Variants in OR4F15 observed in about 807,000 individuals in gnomAD.
OR4F15 encodes the protein olfactory receptor 4F15.
In OR4F15, 7 loss-of-function variants were observed where a neutral mutation model predicts 11.9. That is an observed-to-expected ratio of 0.59 (90% CI 0.33 to 1.10). The LOEUF (loss-of-function observed/expected upper bound fraction) is 1.10, where lower values mean the gene tolerates loss of function less well. Ranked by LOEUF, OR4F15 falls within the 50% of genes least tolerant of loss-of-function variation. The pLI is 0.03. For missense variants in OR4F15, 445 were observed against 377.5 expected, an observed-to-expected ratio of 1.18 and a Z score of -1.48; for synonymous variants, 151 against 134.6, an observed-to-expected ratio of 1.12 and a Z score of -0.84.
chr15:101,818,829 G>A lies in OR4F15; in HGVS notation c.643G>A (p.Val215Ile), dbSNP rs377138322. ...LISVGSFVLL[V>I]ISYIFILFTV... is the part of the protein sequence containing the mutation. ...TTCTGTGGGCTCCTTTGTCTTGCTG[G>A]TAATTTCCTACATCTTCATTCTGTT... The change falls in exon 2 of 2, where the codon GTA becomes ATA. Residue 215 changes from valine (V) to isoleucine (I), a missense_variant. Transcript: ENST00000332238. The A allele has an allele frequency of 2.5e-6, 4 of 1,613,934 alleles. No homozygotes were observed. In the African/African-American group the frequency reaches 4.0e-5, roughly 16 times the overall value.
Position 101,818,735 on chromosome 15 carries a change from G to A in OR4F15, c.549G>A (p.Arg183=), listed in dbSNP as rs950668238. 4 of 1,613,890 alleles carry A rather than the reference G, an allele frequency of 2.5e-6. No homozygotes were observed. Among genetic ancestry groups the A allele is most frequent in the Non-Finnish European group, 3.4e-6 (4 of 1,179,992 alleles). The change falls in exon 2 of 2, where the codon CGG becomes CGA. Residue 183 remains arginine (R), a synonymous_variant. Transcript: ENST00000332238. ...ACAGTTTTTACTGTGATCTCCCTCG[G>A]CTCCTCAGACTTGCCTGTACCAACA... The part of the protein sequence containing the change: ...IFDSFYCDLP[R]LLRLACTNTQ...
chr15:101,816,230 A>G (rs779987152), intron 1 of OR4F15, among the ~76,000 whole-genome samples: 31 of 152,280 alleles, frequency 2.0e-4, no homozygotes, highest in Non-Finnish European at 3.2e-4. Flanking sequence ...TTATAAGAGG[A>G]AGAGTCAGAG....
At chr15:101,812,913 G>A (rs1350018762) in intron 1 of OR4F15, among the ~76,000 whole-genome samples, 1 of 152,124 alleles carries the variant, frequency 6.6e-6, no homozygotes, top group African/African-American at 2.4e-5. Context: ...AAATTTTTAG[G>A]TCTATATAAT....
intron 1 of OR4F15, among the ~76,000 whole-genome samples, chr15:101,815,668 G>A (rs917101063): frequency 4.6e-5 from 7 of 152,072 alleles, no homozygotes; most frequent in African/African-American, 1.7e-4. Context: ...TGGTGAATAT[G>A]GATTCCACAA....
At position 101,812,833 on chromosome 15, in the gene OR4F15, AAATGTGT is replaced by A. The variant is rs1413124650; in HGVS notation, c.-38+567_-38+573del. Among the ~76,000 whole-genome samples the A allele has an allele frequency of 2.6e-5, 4 of 152,354 alleles. No individual in the cohort carries two copies. In the East Asian group the frequency reaches 5.8e-4, roughly 22 times the overall value. Reference sequence around the variant, plus strand: ...ATGGAGGAAAAAAAAGTAGGAAACTAAATGTGTAATGTTTAACAACCTGCAATAAATC... The same window carrying A: ...ATGGAGGAAAAAAAAGTAGGAAACTAAATGTTTAACAACCTGCAATAAATC... On this transcript the variant is annotated intron_variant, in intron 1 of 1. Coordinates refer to ENST00000332238, the MANE Select transcript of OR4F15 (RefSeq NM_001001674.2).
intron 1 of OR4F15, among the ~76,000 whole-genome samples, chr15:101,813,103 A>C (rs1443787625): frequency 6.6e-6 from 1 of 152,218 alleles, no homozygotes; most frequent in Non-Finnish European, 1.5e-5. Flanking sequence ...CTGACAGAGT[A>C]CCTGACAACT....
intron 1 of OR4F15, among the ~76,000 whole-genome samples, chr15:101,815,968 AT>A (rs1418222529): frequency 1.3e-5 from 2 of 152,110 alleles, no homozygotes; most frequent in African/African-American, 4.8e-5. Context: ...ATCTGTCCCC[AT>A]TCCCTCAATA....
At chr15:101,815,759 A>G (rs892689005) in intron 1 of OR4F15, among the ~76,000 whole-genome samples, 1 of 152,168 alleles carries the variant, frequency 6.6e-6, no homozygotes. Flanking sequence ...TATTTTTTGA[A>G]TTAATGAACA....
intron 1 of OR4F15, among the ~76,000 whole-genome samples, chr15:101,816,247 C>G (rs918748400): frequency 1.3e-5 from 2 of 152,096 alleles, no homozygotes; most frequent in African/African-American, 4.8e-5. Context: ...AGAGGAGATG[C>G]GATGACAGAA....
At position 101,818,258 on chromosome 15, in the gene OR4F15, G is replaced by A; in HGVS notation, c.72G>A (p.Gln24=). The A allele has an allele frequency of 1.2e-6, 2 of 1,613,976 alleles. No individual in the cohort carries two copies. The highest frequency in any genetic ancestry group is 8.5e-7 in the Non-Finnish European group (1 of 1,179,880). The change falls in exon 2 of 2, where the codon CAG becomes CAA. Residue 24 remains glutamine, a synonymous_variant. Coordinates refer to ENST00000332238, the MANE Select transcript of OR4F15 (RefSeq NM_001001674.2). ...GACTCACCAACTCACGGGAGATTCA[G>A]CTTCTACTTTTTGTTTTCTCTTTGT... is the stretch of plus-strand genomic sequence containing the variant. ...FMGLTNSREI[Q]LLLFVFSLLF...
intron 1 of OR4F15, among the ~76,000 whole-genome samples, chr15:101,816,736 A>G (rs1251872177): frequency 6.6e-6 from 1 of 152,178 alleles, no homozygotes; most frequent in Non-Finnish European, 1.5e-5. Flanking sequence ...ACTTCATTGA[A>G]CAATGAAACT....
chr15:101,817,019 C>T (rs1276863295), intron 1 of OR4F15, among the ~76,000 whole-genome samples: 1 of 152,018 alleles, frequency 6.6e-6, no homozygotes, highest in East Asian at 1.9e-4. Flanking sequence ...CTTATGGTAT[C>T]CTCTAGGGGT....
At chr15:101,815,627 T>C (rs1227021071) in intron 1 of OR4F15, among the ~76,000 whole-genome samples, 1 of 152,090 alleles carries the variant, frequency 6.6e-6, no homozygotes, top group African/African-American at 2.4e-5. Flanking sequence ...AGAATGAAAA[T>C]CTGTATGTGA....
chr15:101,816,226 GA>G (rs1902986663), intron 1 of OR4F15, among the ~76,000 whole-genome samples: 2 of 152,180 alleles, frequency 1.3e-5, no homozygotes, highest in South Asian at 4.1e-4. Flanking sequence ...GTCCTTATAA[GA>G]GGAAGAGTCA....
intron 1 of OR4F15, among the ~76,000 whole-genome samples, chr15:101,816,033 T>C (rs912891392): frequency 1.3e-5 from 2 of 152,144 alleles, no homozygotes; most frequent in Non-Finnish European, 2.9e-5. Context: ...GATTCATTAC[T>C]TTAAGATTTT....
chr15:101,813,120 T>C (rs1261888986), intron 1 of OR4F15, among the ~76,000 whole-genome samples: 3 of 152,222 alleles, frequency 2.0e-5, no homozygotes, highest in Non-Finnish European at 4.4e-5. Flanking sequence ...AACTTCTTTA[T>C]ATCCACAGGG....
chr15:101,817,413 T>C (rs1025832651), intron 1 of OR4F15, among the ~76,000 whole-genome samples: 10 of 152,148 alleles, frequency 6.6e-5, no homozygotes, highest in African/African-American at 2.4e-4. Context: ...TGTGACTGAT[T>C]GTGTTGGTCA....
At chr15:101,817,217 G>C (rs533398603) in intron 1 of OR4F15, among the ~76,000 whole-genome samples, 3 of 152,214 alleles carry the variant, frequency 2.0e-5, no homozygotes, top group Middle Eastern at 3.4e-3. Flanking sequence ...TTATGCAAAT[G>C]TTTCTTTGAG....
rs779659876 is a variant in OR4F15, at chr15:101,818,328, A to G, written c.142A>G (p.Thr48Ala). 6.2e-7 allele frequency: 1 copy of G among 1,614,038 alleles called. No homozygotes were observed. The highest frequency in any genetic ancestry group is 1.1e-5 in the South Asian group (1 of 91,070). ...GATGGGAAACCTTGTCATTGTATTCACTGTAACCATGGATGCTCATCTGCA... is the reference window on the plus strand; with the variant it reads ...GATGGGAAACCTTGTCATTGTATTCGCTGTAACCATGGATGCTCATCTGCA... ...SMMGNLVIVF[T>A]VTMDAHLHSP... Residue 48 changes from threonine (T) to alanine (A), a missense_variant, in exon 2 of 2, where the codon ACT becomes GCT. By Grantham distance (58) the Thr-to-Ala change is moderately conservative. Transcript: ENST00000332238.
Sources: allele counts gnomAD v4.1 joint callset (sites outside exome capture counted in the v4.1 genomes callset), GRCh38; gene constraint gnomAD v4.1.1; transcripts MANE v1.5; gene names NCBI Gene and HGNC (gene_info 2026-07-23, HGNC 2026-07-21).